Variants in SQSTM1 observed in about 807,000 individuals in gnomAD.
The protein encoded by SQSTM1 is sequestosome-1.
A neutral mutation model predicts 45.1 loss-of-function variants in SQSTM1; 36 were observed. That is an observed-to-expected ratio of 0.80 (90% confidence interval 0.61 to 1.05). SQSTM1 has a LOEUF of 1.05. Among genes scored for constraint, SQSTM1 ranks in the 50% least tolerant of loss-of-function variants. The probability of loss-of-function intolerance (pLI) is 0.00; values close to 1 mark genes in which losing one functional copy is unlikely to be tolerated. For synonymous variants in SQSTM1, 290 were observed against 244.3 expected (o/e 1.19, Z -1.74); for missense variants, 617 against 607.1 (o/e 1.02, Z -0.17).
At chr5:179,818,106 C>T (rs888663341), upstream of SQSTM1, among the ~76,000 whole-genome samples, 20 of 148,014 alleles carry the variant, frequency 1.4e-4, no homozygotes, top group African/African-American at 4.8e-4. Flanking sequence ...GAGGAGGAGA[C>T]ATTTAGGGTG....
intron 7 of SQSTM1, 47 bp from the exon 8 acceptor site, chr5:179,836,378 TTCGGGTCACTC>T: frequency 6.2e-7 from 1 of 1,612,746 alleles, no homozygotes; most frequent in Non-Finnish European, 8.5e-7. Flanking sequence ...GGGTATGTGT[TTCGGGTCACTC>T]ACAGGGCTCA....
Position 179,833,213 on chromosome 5 carries a change from G to A in SQSTM1, c.936G>A (p.Arg312=), listed in dbSNP as rs4797. ...GATQSLAEQM[R]KIALESEGRP... is the part of the protein sequence containing the mutation. ...CGCAGTCTCTGGCGGAGCAGATGAG[G>A]AAGATCGCCTTGGAGTCCGAGGGGC... The change falls in exon 6 of 8, where the codon AGG becomes AGA. Residue 312 remains arginine (R), a synonymous_variant. Transcript: ENST00000389805. 874,781 of 1,607,140 alleles carry A rather than the reference G, an allele frequency of 0.54. 242,261 individuals are homozygous for A. The highest frequency in any genetic ancestry group is 0.8 in the East Asian group (35,717 of 44,622).
intron 2 of SQSTM1, chr5:179,813,015 AAAAG>A (rs1375536631): frequency 2.7e-5 from 4 of 148,048 alleles, no homozygotes; most frequent in Non-Finnish European, 6.0e-5. Context: ...AAAGAAAAGA[AAAAG>A]AAAAAAGCAT....
In SQSTM1 at chr5:179,837,382, A is replaced by C; in HGVS notation, c.*789A>C. On this transcript the variant is annotated 3_prime_UTR_variant, in exon 8 of 8. Coordinates refer to ENST00000389805, the MANE Select transcript of SQSTM1 (RefSeq NM_003900.5). ...AGTGTATCTCGATTAATAACCTGCCAGTCCCAGATCACACATCATCATCGA... is the reference window on the plus strand; with the variant it reads ...AGTGTATCTCGATTAATAACCTGCCCGTCCCAGATCACACATCATCATCGA... 1 of 1,584,604 alleles carries C rather than the reference A, an allele frequency of 6.3e-7. No individual in the cohort carries two copies.
intron 1 of SQSTM1, chr5:179,807,025 C>G (rs1757199194): frequency 6.6e-6 from 1 of 151,170 alleles, no homozygotes; most frequent in Admixed American, 6.6e-5. Flanking sequence ...GCCGCAGCAC[C>G]GCCGTCGCCG....
chr5:179,833,310 TC>T, intron 6 of SQSTM1, 64 bp downstream of exon 6: 2 of 1,438,000 alleles, frequency 1.4e-6, no homozygotes, highest in Admixed American at 3.9e-5. Flanking sequence ...GGCCTGCACC[TC>T]CGCCTCATCC....
chr5:179,809,058 C>T (rs1581989138), intron 1 of SQSTM1, among the ~76,000 whole-genome samples: 3 of 149,452 alleles, frequency 2.0e-5, no homozygotes, highest in South Asian at 4.2e-4. Flanking sequence ...GGGGTTTCAC[C>T]GTGTTAGCCA....
chr5:179,809,740 T>G (rs1757338572), intron 1 of SQSTM1, among the ~76,000 whole-genome samples: 1 of 144,360 alleles, frequency 6.9e-6, no homozygotes, highest in South Asian at 2.2e-4. Flanking sequence ...GCTTCCCGGG[T>G]TCAAGCGATT....
upstream of SQSTM1, among the ~76,000 whole-genome samples, chr5:179,818,682 C>G (rs1308411697): frequency 6.6e-5 from 10 of 152,330 alleles, no homozygotes; most frequent in African/African-American, 2.4e-4. Context: ...CCTGACCCCC[C>G]AGCTTACAGC....
intron 2 of SQSTM1, chr5:179,811,895 C>T (rs1253916592): frequency 6.6e-6 from 1 of 152,194 alleles, no homozygotes; most frequent in African/African-American, 2.4e-5. Context: ...AGCTCCACCT[C>T]CCGGGTTCAC....
intron 7 of SQSTM1, among the ~76,000 whole-genome samples, chr5:179,834,899 G>T (rs1188108842): frequency 1.3e-5 from 2 of 152,194 alleles, no homozygotes; most frequent in East Asian, 1.9e-4. Flanking sequence ...ATCATGGCCC[G>T]TTCTCAATGA....
chr5:179,812,273 C>G (rs770689097), intron 2 of SQSTM1: 3 of 152,222 alleles, frequency 2.0e-5, no homozygotes, highest in African/African-American at 7.2e-5. Context: ...CTGGGTGCCT[C>G]GGGCTCCTTC....
In SQSTM1 at chr5:179,824,034, C is replaced by A. The variant is rs750652295; in HGVS notation, c.478C>A (p.His160Asn). The change falls in exon 3 of 8, where the codon CAC becomes AAC. Residue 160 changes from histidine to asparagine, a missense_variant. His to Asn is a moderately conservative substitution (Grantham distance 68). Transcript: ENST00000389805. ...TAGCGTCTGCGAGGGAAAGGGCTTG[C>A]ACCGGGGGCACACCAAGCTCGCATT... ...LCSVCEGKGLHRGHTKLAFPS... is the reference protein window; with the variant it reads ...LCSVCEGKGLNRGHTKLAFPS... 6.2e-7 allele frequency: 1 copy of A among 1,614,000 alleles called. No homozygotes were observed. The highest frequency in any genetic ancestry group is 1.1e-5 in the South Asian group (1 of 91,092).
In SQSTM1 at chr5:179,822,993, G is replaced by A. The variant is rs368853286; in HGVS notation, c.241G>A (p.Glu81Lys). The A allele has an allele frequency of 9.3e-6, 15 of 1,613,940 alleles. No homozygotes were observed. Among genetic ancestry groups the A allele is most frequent in the East Asian group, 4.5e-5 (2 of 44,876 alleles). ...GGACTTGGTTGCCTTTTCCAGTGAC[G>A]AGGAATTGACAATGGCCATGTCCTA... ...DGDLVAFSSDEELTMAMSYVK... is the reference protein window; with the variant it reads ...DGDLVAFSSDKELTMAMSYVK... Residue 81 changes from glutamate (E) to lysine (K), a missense_variant, in exon 2 of 8, where the codon GAG becomes AAG. Transcript: ENST00000389805.
At position 179,824,285 on chromosome 5, in the gene SQSTM1, G is replaced by A. The variant is rs763972646; in HGVS notation, c.635G>A (p.Arg212His). Reference protein sequence around the residue: ...PPGNWSPRPPRAGEARPGPTA... With the variant: ...PPGNWSPRPPHAGEARPGPTA... ...GGAAACTGGAGCCCACGTCCTCCTC[G>A]TGCAGGGGAGGCCCGCCCTGGCCCC... The change falls in exon 4 of 8, where the codon CGT (arginine) becomes CAT (histidine). Residue 212 changes from arginine (R) to histidine (H), a missense_variant. Arg to His is a conservative substitution (Grantham distance 29). Transcript: ENST00000389805. 47 of 1,613,650 alleles carry A rather than the reference G, an allele frequency of 2.9e-5. No individual in the cohort carries two copies. Among genetic ancestry groups the A allele is most frequent in the Admixed American group, 1.3e-4 (8 of 60,008 alleles).
intron 5 of SQSTM1, among the ~76,000 whole-genome samples, chr5:179,826,116 T>C (rs897567691): frequency 1.3e-5 from 2 of 151,440 alleles, no homozygotes; most frequent in Non-Finnish European, 2.9e-5. Context: ...GCCTGCTGCC[T>C]CCTGTGGCTA....
At chr5:179,823,808 G>T in intron 2 of SQSTM1, 50 bp from the exon 3 acceptor site, 1 of 1,583,214 alleles carries the variant, frequency 6.3e-7, no homozygotes, top group Non-Finnish European at 8.6e-7. Flanking sequence ...GACAGAGGGG[G>T]AGGACTTTAG....
chr5:179,818,690 A>G (rs1297993080), upstream of SQSTM1, among the ~76,000 whole-genome samples: 2 of 152,034 alleles, frequency 1.3e-5, no homozygotes, highest in Non-Finnish European at 2.9e-5. Flanking sequence ...CCCAGCTTAC[A>G]GCCCCAAAAG....
upstream of SQSTM1, chr5:179,820,848 G>T: frequency 7.9e-7 from 1 of 1,263,790 alleles, no homozygotes; most frequent in South Asian, 1.7e-5. Flanking sequence ...CGCCCCTCTC[G>T]AGGCGGGGCG....
Sources: allele counts gnomAD v4.1 joint callset (sites outside exome capture counted in the v4.1 genomes callset), GRCh38; gene constraint gnomAD v4.1.1; transcripts MANE v1.5; gene names NCBI Gene and HGNC (gene_info 2026-07-23, HGNC 2026-07-21).